The following GALNT13 variants were observed in gnomAD, a reference collection of about 807,000 sequenced individuals.
The protein encoded by GALNT13 is UDP-GalNAc:polypeptide N-acetylgalactosaminyltransferase 13.
GALNT13 carries 28 observed loss-of-function variants against 64.2 expected under a neutral mutation model. The observed-to-expected ratio is 0.44, with a 90% CI of 0.32 to 0.60. The LOEUF (loss-of-function observed/expected upper bound fraction) is 0.60, where lower values mean the gene tolerates loss of function less well. GALNT13 is among the 20% of genes least tolerant of loss of function. The pLI is 0.05. For missense variants in GALNT13, 577 were observed against 669.8 expected, an observed-to-expected ratio of 0.86 and a Z score of 1.53; for synonymous variants, 214 against 224.6, an observed-to-expected ratio of 0.95 and a Z score of 0.42.
chr2:154,050,464 A>G (rs1183895204), intron 3 of GALNT13, among the ~76,000 whole-genome samples: 1 of 152,194 alleles, frequency 6.6e-6, no homozygotes, highest in African/African-American at 2.4e-5. Flanking sequence ...ATTATGATGT[A>G]TAATTTCCCC....
At chr2:153,193,162 C>T in the GALNT13 span, among the ~76,000 whole-genome samples, 5 of 151,760 alleles carry the variant, frequency 3.3e-5, no homozygotes, top group African/African-American at 4.8e-5. Flanking sequence ...ATATTTATTG[C>T]GGCATTATTC....
At chr2:153,762,159 G>T in the GALNT13 span, 1 of 152,200 alleles carries the variant, frequency 6.6e-6, no homozygotes, top group African/African-American at 2.4e-5. Flanking sequence ...CCTATTGCAT[G>T]AATTCTTATT....
At chr2:154,332,437 G>T (rs921953779) in intron 9 of GALNT13, among the ~76,000 whole-genome samples, 1 of 152,006 alleles carries the variant, frequency 6.6e-6, no homozygotes, top group African/African-American at 2.4e-5. Flanking sequence ...AAAAAAAATT[G>T]AGTATCTAAC....
chr2:153,775,009 A>G, the GALNT13 span, among the ~76,000 whole-genome samples: 16 of 152,190 alleles, frequency 1.1e-4, no homozygotes, highest in Non-Finnish European at 1.0e-4. Flanking sequence ...CATCCCAATC[A>G]TGTGTCATTA....
the GALNT13 span, among the ~76,000 whole-genome samples, chr2:153,105,222 G>A: frequency 2.0e-5 from 3 of 151,586 alleles, no homozygotes; most frequent in African/African-American, 7.3e-5. Context: ...TTCAACATAT[G>A]AAAATCAATA....
rs1165083097 is a variant in GALNT13 at position 154,452,294 on chromosome 2, C to G, written c.*1743C>G. On this transcript the variant is annotated 3_prime_UTR_variant, in exon 13 of 13. Transcript: ENST00000392825. ...ACTCACAGCAAACTTGGAAAGAAGGCTATGACTCCCAAGAGGCAGTGAACC... is the reference window on the plus strand; with the variant it reads ...ACTCACAGCAAACTTGGAAAGAAGGGTATGACTCCCAAGAGGCAGTGAACC... The G allele has an allele frequency of 6.6e-6, 1 of 151,958 alleles. No individual in the cohort carries two copies. The highest frequency in any genetic ancestry group is 1.5e-5 in the Non-Finnish European group (1 of 67,980). The allele number at this position is 151,958 out of a possible 1,614,324, so 9.4% of individuals were successfully genotyped here.
Position 153,922,646 on chromosome 2 carries a change from G to C in GALNT13, c.-105+21639G>C, listed in dbSNP as rs991280977. On this transcript the variant is annotated intron_variant, in intron 2 of 12. Coordinates refer to ENST00000392825, the MANE Select transcript of GALNT13 (RefSeq NM_052917.4). ...TTTATAGTTGAGGCAAACTTAGGTA[G>C]GTGATAATCCTTCCCCCAACCCTTA... is the stretch of plus-strand genomic sequence containing the variant. 1.2e-4 allele frequency among the ~76,000 whole-genome samples: 18 copies of C among 152,140 alleles called. 1 individual carries two copies. Among genetic ancestry groups the C allele is most frequent in the African/African-American group, 4.3e-4 (18 of 41,542 alleles).
intron 11 of GALNT13, among the ~76,000 whole-genome samples, chr2:154,410,366 C>T (rs1367353639): frequency 1.3e-5 from 2 of 151,868 alleles, no homozygotes; most frequent in Non-Finnish European, 2.9e-5. Context: ...TCAATGATTT[C>T]ATAAAGAAAC....
At chr2:154,110,985 A>C (rs1702954428) in intron 3 of GALNT13, among the ~76,000 whole-genome samples, 1 of 152,238 alleles carries the variant, frequency 6.6e-6, no homozygotes, top group South Asian at 2.1e-4. Context: ...AAGTCAATAA[A>C]TCTTATGTCA....
At chr2:153,690,441 A>G in the GALNT13 span, among the ~76,000 whole-genome samples, 3 of 152,108 alleles carry the variant, frequency 2.0e-5, no homozygotes, top group African/African-American at 7.2e-5. Flanking sequence ...TTTGTGAGAG[A>G]TGGTCTGTTT....
At chr2:153,358,843 G>T in the GALNT13 span, among the ~76,000 whole-genome samples, 1 of 151,788 alleles carries the variant, frequency 6.6e-6, no homozygotes, top group Non-Finnish European at 1.5e-5. Flanking sequence ...CCCTCCCTTT[G>T]TTTCTCACCA....
intron 9 of GALNT13, among the ~76,000 whole-genome samples, chr2:154,390,231 A>G (rs1175757158): frequency 6.6e-6 from 1 of 152,124 alleles, no homozygotes; most frequent in Non-Finnish European, 1.5e-5. Flanking sequence ...TAAAAGACAG[A>G]TTTTTTTATA....
chr2:153,315,069 G>A, the GALNT13 span, among the ~76,000 whole-genome samples: 1 of 152,082 alleles, frequency 6.6e-6, no homozygotes, highest in Non-Finnish European at 1.5e-5. Flanking sequence ...GAAAAGTAGA[G>A]AGAATATATT....
the GALNT13 span, among the ~76,000 whole-genome samples, chr2:153,564,942 G>A: frequency 2.6e-5 from 4 of 152,220 alleles, no homozygotes; most frequent in Non-Finnish European, 4.4e-5. Context: ...GGAGCGGGCC[G>A]CATGGTAGAA....
chr2:154,230,023 A>C (rs2105843397), intron 4 of GALNT13, among the ~76,000 whole-genome samples: 1 of 152,248 alleles, frequency 6.6e-6, no homozygotes, highest in East Asian at 1.9e-4. Flanking sequence ...CAATAATTTA[A>C]GGGCTTGTTG....
At chr2:153,628,911 A>C in the GALNT13 span, among the ~76,000 whole-genome samples, 1 of 152,196 alleles carries the variant, frequency 6.6e-6, no homozygotes, top group South Asian at 2.1e-4. Context: ...GAATAGTTTC[A>C]GAATGAGTGG....
chr2:153,653,907 T>A, the GALNT13 span, among the ~76,000 whole-genome samples: 1 of 152,138 alleles, frequency 6.6e-6, no homozygotes, highest in Non-Finnish European at 1.5e-5. Flanking sequence ...CTTAACAAAA[T>A]AATGGATTTT....
At chr2:153,719,295 C>T in the GALNT13 span, among the ~76,000 whole-genome samples, 1 of 152,138 alleles carries the variant, frequency 6.6e-6, no homozygotes, top group Admixed American at 6.5e-5. Context: ...CTATAGTCCC[C>T]TCTAACTCAC....
chr2:154,372,437 A>T (rs896569195), intron 9 of GALNT13, among the ~76,000 whole-genome samples: 2 of 152,142 alleles, frequency 1.3e-5, no homozygotes, highest in African/African-American at 2.4e-5. Flanking sequence ...AGCCCTATTA[A>T]GAAATAAGTT....
Sources: allele counts gnomAD v4.1 joint callset (sites outside exome capture counted in the v4.1 genomes callset), GRCh38; gene constraint gnomAD v4.1.1; transcripts MANE v1.5; gene names NCBI Gene and HGNC (gene_info 2026-07-23, HGNC 2026-07-21).